Variants in PRDM5 observed in about 807,000 individuals in gnomAD.
PRDM5 encodes PR domain zinc finger protein 5.
A neutral mutation model predicts 81.2 loss-of-function variants in PRDM5; 56 were observed. The ratio of observed to expected loss-of-function variants is 0.69; its 90% CI spans 0.56 to 0.86. The LOEUF is 0.86. PRDM5 is among the 40% of genes least tolerant of loss of function. The pLI, the probability that PRDM5 is intolerant of heterozygous loss-of-function variation, is 0.00. For synonymous variants in PRDM5, 267 were observed against 256.4 expected (o/e 1.04, Z -0.39); for missense variants, 697 against 770.1 (o/e 0.91, Z 1.12).
intron 14 of PRDM5, among the ~76,000 whole-genome samples, chr4:120,735,448 A>C (rs192804779): frequency 1.3e-5 from 2 of 152,272 alleles, no homozygotes; most frequent in East Asian, 3.9e-4. Context: ...AGCTGTGGTA[A>C]CAGTCCCTGA....
chr4:120,866,457 T>A (rs1272118351), intron 2 of PRDM5, among the ~76,000 whole-genome samples: 1 of 152,236 alleles, frequency 6.6e-6, no homozygotes, highest in Non-Finnish European at 1.5e-5. Context: ...AAACAAATAC[T>A]AACAGTATAA....
chr4:120,791,158 C>T (rs964337754), intron 10 of PRDM5, among the ~76,000 whole-genome samples: 1 of 152,042 alleles, frequency 6.6e-6, no homozygotes, highest in African/African-American at 2.4e-5. Flanking sequence ...AAGTAGACTT[C>T]CTATTTGACC....
intron 13 of PRDM5, among the ~76,000 whole-genome samples, chr4:120,776,681 A>G (rs1427718786): frequency 6.6e-6 from 1 of 152,164 alleles, no homozygotes; most frequent in African/African-American, 2.4e-5. Flanking sequence ...TTCATTGGAG[A>G]AATTACACAG....
downstream of PRDM5, among the ~76,000 whole-genome samples, chr4:120,689,768 C>T (rs922229281): frequency 6.6e-6 from 1 of 151,882 alleles, no homozygotes. Flanking sequence ...GTGCGTGCCA[C>T]CACACCCAGC....
At chr4:120,741,341 C>T (rs963814471) in intron 14 of PRDM5, among the ~76,000 whole-genome samples, 1 of 151,810 alleles carries the variant, frequency 6.6e-6, no homozygotes, top group African/African-American at 2.4e-5. Context: ...TTTCTTTTTC[C>T]TTCAACATCA....
chr4:120,870,752 A>G (rs1034314961), intron 2 of PRDM5, among the ~76,000 whole-genome samples: 2 of 152,164 alleles, frequency 1.3e-5, no homozygotes, highest in African/African-American at 2.4e-5. Flanking sequence ...TCCGTGTGAC[A>G]TTTGGTGGCA....
intron 13 of PRDM5, among the ~76,000 whole-genome samples, chr4:120,767,863 G>C (rs760034327): frequency 2.0e-5 from 3 of 152,164 alleles, no homozygotes; most frequent in Admixed American, 6.5e-5. Context: ...GTGAGCGAGT[G>C]TCACAAAATC....
At chr4:120,768,814 T>C (rs548571467) in intron 13 of PRDM5, among the ~76,000 whole-genome samples, 84 of 152,346 alleles carry the variant, frequency 5.5e-4, no homozygotes, top group Non-Finnish European at 9.4e-4. Flanking sequence ...CCACATGTTG[T>C]TCTTTATTCC....
At chr4:120,891,998 G>T (rs1427013547) in intron 2 of PRDM5, among the ~76,000 whole-genome samples, 1 of 152,138 alleles carries the variant, frequency 6.6e-6, no homozygotes, top group Non-Finnish European at 1.5e-5. Context: ...CAAGATTCTG[G>T]TATGTTGTAT....
At chr4:120,742,642 C>T (rs1742231632) in intron 14 of PRDM5, among the ~76,000 whole-genome samples, 1 of 152,152 alleles carries the variant, frequency 6.6e-6, no homozygotes, top group African/African-American at 2.4e-5. Flanking sequence ...GCAAAAGCCT[C>T]AGGAGCCGAA....
intron 13 of PRDM5, among the ~76,000 whole-genome samples, chr4:120,768,174 A>G (rs1454416481): frequency 6.6e-6 from 1 of 152,188 alleles, no homozygotes. Flanking sequence ...TTATTTCCTC[A>G]TCTTTTATAC....
chr4:120,771,245 T>A (rs1186648860), intron 13 of PRDM5, among the ~76,000 whole-genome samples: 3 of 152,270 alleles, frequency 2.0e-5, no homozygotes, highest in African/African-American at 7.2e-5. Context: ...GACTTAGGAA[T>A]CAAGCATACT....
chr4:120,825,579 C>T (rs1278449486), intron 3 of PRDM5, among the ~76,000 whole-genome samples: 1 of 152,192 alleles, frequency 6.6e-6, no homozygotes, highest in Non-Finnish European at 1.5e-5. Context: ...GCCTCCACTA[C>T]TCACTGCTAC....
At chr4:120,843,960 T>C (rs1055813069) in intron 3 of PRDM5, among the ~76,000 whole-genome samples, 5 of 152,102 alleles carry the variant, frequency 3.3e-5, no homozygotes, top group Non-Finnish European at 5.9e-5. Flanking sequence ...CACAATGTCA[T>C]CCACAGTAAA....
intron 3 of PRDM5, among the ~76,000 whole-genome samples, chr4:120,823,622 A>T (rs1272561051): frequency 6.6e-6 from 1 of 152,130 alleles, no homozygotes; most frequent in African/African-American, 2.4e-5. Context: ...TGATCATCCT[A>T]CAAATCCTGC....
At chr4:120,857,399 T>A (rs77427492) in intron 2 of PRDM5, among the ~76,000 whole-genome samples, 14,914 of 152,164 alleles carry the variant, frequency 0.098, 956 homozygotes, top group Non-Finnish European at 0.14. Flanking sequence ...AAAGATACCT[T>A]CTTGTGAAAA....
At chr4:120,889,869 T>C (rs1763850126) in intron 2 of PRDM5, among the ~76,000 whole-genome samples, 1 of 152,222 alleles carries the variant, frequency 6.6e-6, no homozygotes, top group Non-Finnish European at 1.5e-5. Flanking sequence ...CCCATGTTGC[T>C]ACAAAGGCAT....
Position 120,922,650 on chromosome 4 carries a change from C to G in PRDM5, c.-42G>C. 1.3e-6 allele frequency: 2 copies of G among 1,573,990 alleles called. No homozygotes were observed. Among genetic ancestry groups the G allele is most frequent in the Non-Finnish European group, 1.7e-6 (2 of 1,160,276 alleles). Reference sequence around the variant, plus strand: ...GCCGCCGCCTCTCTCAACACCGGCGCTTAGCGCCCGGCAGGCGGCACATCG... The same window carrying G: ...GCCGCCGCCTCTCTCAACACCGGCGGTTAGCGCCCGGCAGGCGGCACATCG... On this transcript the variant is annotated 5_prime_UTR_variant, in exon 1 of 16. Transcript: ENST00000264808.
chr4:120,689,151 C>T (rs866305630), downstream of PRDM5, among the ~76,000 whole-genome samples: 1 of 152,150 alleles, frequency 6.6e-6, no homozygotes, highest in African/African-American at 2.4e-5. Flanking sequence ...AACTCACATA[C>T]TTAGTCTAAT....
Sources: gnomAD v4.1 joint callset for allele counts (sites outside exome capture counted in the v4.1 genomes callset) on GRCh38, gnomAD v4.1.1 for gene constraint, MANE v1.5 for transcripts, NCBI Gene and HGNC (gene_info 2026-07-23, HGNC 2026-07-21) for gene names.